The following TRPC6 variants were observed in gnomAD, a reference collection of about 807,000 sequenced individuals.
The protein encoded by TRPC6 is short transient receptor potential channel 6.
Under a neutral mutation model 90.7 loss-of-function variants are expected in TRPC6, and 55 were observed. That is an observed-to-expected ratio of 0.61 (90% confidence interval 0.49 to 0.76). TRPC6 has a LOEUF of 0.76. Ranked by LOEUF, TRPC6 falls within the 30% of genes least tolerant of loss-of-function variation. The probability of loss-of-function intolerance (pLI) is 0.00; values close to 1 mark genes in which losing one functional copy is unlikely to be tolerated. For synonymous variants in TRPC6, 393 were observed against 393.0 expected (o/e 1.00, Z 0.00); for missense variants, 989 against 1,122.7 (o/e 0.88, Z 1.70).
intron 1 of TRPC6, among the ~76,000 whole-genome samples, chr11:101,551,885 C>T (rs1161165201): frequency 2.6e-5 from 4 of 152,080 alleles, no homozygotes; most frequent in African/African-American, 9.7e-5. Flanking sequence ...GCTCAGAGAT[C>T]CTTTCTGTAA....
In TRPC6 at chr11:101,549,463, G is replaced by A. The variant is rs139255411; in HGVS notation, c.170+33871C>T. On this transcript the variant is annotated intron_variant, in intron 1 of 12. Coordinates refer to ENST00000344327, the MANE Select transcript of TRPC6 (RefSeq NM_004621.6). ...ATCCAAGAAAATAGCAAAAAGGCAAGTCAACATTTATCAGATCTTATACTG... is the reference window on the plus strand; with the variant it reads ...ATCCAAGAAAATAGCAAAAAGGCAAATCAACATTTATCAGATCTTATACTG... 5.3e-3 allele frequency among the ~76,000 whole-genome samples: 806 copies of A among 151,632 alleles called. 4 individuals are homozygous for A. Among genetic ancestry groups the A allele is most frequent in the Non-Finnish European group, 9.8e-3 (667 of 67,716 alleles).
chr11:101,523,384 G>A (rs1290468248), intron 1 of TRPC6, among the ~76,000 whole-genome samples: 1 of 152,134 alleles, frequency 6.6e-6, no homozygotes, highest in East Asian at 1.9e-4. Context: ...GTTATGCCAT[G>A]GGCATGACAC....
At chr11:101,486,746 T>C (rs745873532) in intron 4 of TRPC6, among the ~76,000 whole-genome samples, 9 of 152,264 alleles carry the variant, frequency 5.9e-5, no homozygotes, top group Non-Finnish European at 8.8e-5. Context: ...CTGATGTTCA[T>C]GGATATATTG....
At chr11:101,546,440 T>C (rs1861309928) in intron 1 of TRPC6, among the ~76,000 whole-genome samples, 1 of 152,136 alleles carries the variant, frequency 6.6e-6, no homozygotes, top group Non-Finnish European at 1.5e-5. Flanking sequence ...CAAGATAACA[T>C]GGAGGTTCCT....
At chr11:101,549,729 A>C (rs1861409972) in intron 1 of TRPC6, among the ~76,000 whole-genome samples, 1 of 151,194 alleles carries the variant, frequency 6.6e-6, no homozygotes, top group African/African-American at 2.4e-5. Flanking sequence ...ACACAAATGA[A>C]AAAATGTCAA....
intron 1 of TRPC6, among the ~76,000 whole-genome samples, chr11:101,555,895 A>G (rs1811544347): frequency 6.6e-6 from 1 of 152,196 alleles, no homozygotes; most frequent in South Asian, 2.1e-4. Context: ...GACTGAAATT[A>G]CAGAAATCAG....
chr11:101,470,062 A>C (rs544948731), intron 9 of TRPC6, among the ~76,000 whole-genome samples: 2 of 152,312 alleles, frequency 1.3e-5, no homozygotes, highest in African/African-American at 2.4e-5. Context: ...TATTGCAAGG[A>C]AACTTTATAA....
At chr11:101,458,702 C>G (rs548117793) in intron 10 of TRPC6, among the ~76,000 whole-genome samples, 50 of 152,250 alleles carry the variant, frequency 3.3e-4, no homozygotes, top group Non-Finnish European at 6.5e-4. Flanking sequence ...AGGATACGGT[C>G]AGAGATAATG....
intron 10 of TRPC6, among the ~76,000 whole-genome samples, chr11:101,467,506 C>G (rs1238595617): frequency 6.6e-6 from 1 of 152,192 alleles, no homozygotes; most frequent in African/African-American, 2.4e-5. Flanking sequence ...CTGCCTACAT[C>G]CTGTGAACAA....
At chr11:101,453,833 T>C in intron 11 of TRPC6, 108 bp from the exon 12 acceptor site, 1 of 1,021,572 alleles carries the variant, frequency 9.8e-7, no homozygotes, top group Non-Finnish European at 1.5e-6. Flanking sequence ...CCTTTGGAAG[T>C]GATGGCTGTC....
At chr11:101,454,423 A>G (rs151332352) in intron 11 of TRPC6, among the ~76,000 whole-genome samples, 4 of 152,190 alleles carry the variant, frequency 2.6e-5, no homozygotes, top group Non-Finnish European at 5.9e-5. Context: ...AACTAGTTAT[A>G]TAATAGACAA....
At chr11:101,519,360 C>A (rs868799369) in intron 1 of TRPC6, among the ~76,000 whole-genome samples, 2 of 151,980 alleles carry the variant, frequency 1.3e-5, no homozygotes, top group Middle Eastern at 3.2e-3. Context: ...TTTAAAAAAT[C>A]AAATAAGATA....
chr11:101,502,104 T>A lies in TRPC6; in HGVS notation c.945+1920A>T, dbSNP rs10791489. On this transcript the variant is annotated intron_variant, in intron 2 of 12. Transcript: ENST00000344327. ...AGTGGCTAATCCATACACTTCACAC[T>A]GATGACAGCAGAAAGAAGGGTGTGA... Among the ~76,000 whole-genome samples the A allele has an allele frequency of 5.3e-5, 8 of 151,886 alleles. No homozygotes were observed. In the South Asian group the frequency reaches 1.4e-3, roughly 28 times the overall value.
chr11:101,481,025 A>T (rs555421009), intron 5 of TRPC6, among the ~76,000 whole-genome samples: 1 of 152,352 alleles, frequency 6.6e-6, no homozygotes, highest in East Asian at 1.9e-4. Context: ...CCTAAAACAT[A>T]TTCAGGAAAT....
chr11:101,499,639 GTA>G (rs375668565), intron 2 of TRPC6, among the ~76,000 whole-genome samples: 1,155 of 41,440 alleles, frequency 0.028, 59 homozygotes, highest in African/African-American at 0.056. Context: ...TATAAAATGT[GTA>G]TATATATATA....
intron 2 of TRPC6, among the ~76,000 whole-genome samples, chr11:101,498,837 A>G (rs534643574): frequency 6.6e-6 from 1 of 152,200 alleles, no homozygotes; most frequent in East Asian, 1.9e-4. Flanking sequence ...CCACCCACCC[A>G]TGTAGCAAGC....
chr11:101,455,161 GTGAGATTAGTTATCTAA>G (rs1858854947), intron 10 of TRPC6, 60 bp from the exon 11 acceptor site: 15 of 1,354,934 alleles, frequency 1.1e-5, no homozygotes, highest in Non-Finnish European at 1.4e-5. Context: ...AAATAAAGTA[GTGAGATTAGTTATCTAA>G]TGAACTAATA....
At chr11:101,539,245 TAGAACTAGACTGC>T (rs1351955067) in intron 1 of TRPC6, among the ~76,000 whole-genome samples, 11 of 152,200 alleles carry the variant, frequency 7.2e-5, no homozygotes, top group African/African-American at 2.7e-4. Flanking sequence ...TCAGATTCCT[TAGAACTAGACTGC>T]TCCAACTCTG....
chr11:101,569,703 G>T (rs985385982), intron 1 of TRPC6, among the ~76,000 whole-genome samples: 10 of 152,032 alleles, frequency 6.6e-5, no homozygotes, highest in African/African-American at 1.9e-4. Flanking sequence ...TTAGAACTCA[G>T]GATTAAGAAA....
Sources: gnomAD v4.1 joint callset for allele counts (sites outside exome capture counted in the v4.1 genomes callset) on GRCh38, gnomAD v4.1.1 for gene constraint, MANE v1.5 for transcripts, NCBI Gene and HGNC (gene_info 2026-07-23, HGNC 2026-07-21) for gene names.